The following DOCK1 variants were observed in gnomAD, a reference collection of about 807,000 sequenced individuals.
DOCK1 encodes dedicator of cytokinesis protein 1.
Under a neutral mutation model 262.7 loss-of-function variants are expected in DOCK1, and 138 were observed. The ratio of observed to expected loss-of-function variants is 0.53; its 90% CI spans 0.46 to 0.61. DOCK1 has a LOEUF of 0.61. Among genes scored for constraint, DOCK1 ranks in the 20% least tolerant of loss-of-function variants. The probability of loss-of-function intolerance (pLI) is 0.00; values close to 1 mark genes in which losing one functional copy is unlikely to be tolerated. For synonymous variants in DOCK1, 866 were observed against 867.4 expected, an observed-to-expected ratio of 1.00 and a Z score of 0.03; for missense variants, 1,908 against 2,370.7, an observed-to-expected ratio of 0.80 and a Z score of 4.05.
chr10:127,209,280 T>C (rs908137162), intron 27 of DOCK1, among the ~76,000 whole-genome samples: 1 of 152,232 alleles, frequency 6.6e-6, no homozygotes, highest in Non-Finnish European at 1.5e-5. Flanking sequence ...AGTTTAAGAA[T>C]GAAAATGCAA....
At chr10:127,212,686 A>T in intron 27 of DOCK1, among the ~76,000 whole-genome samples, 1 of 149,920 alleles carries the variant, frequency 6.7e-6, no homozygotes, top group Non-Finnish European at 1.5e-5. Context: ...TGAAGGATGA[A>T]TTTTCTAAAT....
At chr10:127,432,147 T>C (rs1041384472) in intron 47 of DOCK1, among the ~76,000 whole-genome samples, 1 of 152,218 alleles carries the variant, frequency 6.6e-6, no homozygotes, top group African/African-American at 2.4e-5. Flanking sequence ...TACCGGTTCC[T>C]GGTGCCAAAA....
At chr10:127,383,522 C>T (rs539879253) in intron 37 of DOCK1, among the ~76,000 whole-genome samples, 11 of 152,302 alleles carry the variant, frequency 7.2e-5, no homozygotes, top group East Asian at 5.8e-4. Context: ...TCTTGCAGAC[C>T]GCTTAAAGGC....
chr10:127,375,559 G>C (rs987075085), intron 35 of DOCK1, among the ~76,000 whole-genome samples: 1 of 152,172 alleles, frequency 6.6e-6, no homozygotes, highest in Non-Finnish European at 1.5e-5. Flanking sequence ...TCTTTAAAAA[G>C]CCAGAGTTGT....
chr10:127,017,020 A>G (rs1325113922), intron 12 of DOCK1, among the ~76,000 whole-genome samples: 1 of 60,180 alleles, frequency 1.7e-5, no homozygotes, highest in African/African-American at 7.6e-5. Context: ...AAACACAGAT[A>G]TGCAGATACA....
intron 23 of DOCK1, among the ~76,000 whole-genome samples, chr10:127,101,186 G>C (rs2048222592): frequency 6.6e-6 from 1 of 151,962 alleles, no homozygotes; most frequent in South Asian, 2.1e-4. Flanking sequence ...TTCCTTTCTT[G>C]TGGTGGCTTT....
intron 35 of DOCK1, among the ~76,000 whole-genome samples, chr10:127,374,537 G>C (rs75482471): frequency 6.6e-6 from 1 of 152,252 alleles, no homozygotes; most frequent in East Asian, 1.9e-4. Flanking sequence ...CCATAAACGC[G>C]TGCTATGTAG....
chr10:127,088,176 CTG>C (rs2047310323), intron 23 of DOCK1, among the ~76,000 whole-genome samples: 1 of 152,180 alleles, frequency 6.6e-6, no homozygotes, highest in Admixed American at 6.5e-5. Flanking sequence ...TTTGGGCACA[CTG>C]TGAAATCATC....
intron 29 of DOCK1, among the ~76,000 whole-genome samples, chr10:127,273,804 C>A (rs1398223383): frequency 6.6e-6 from 1 of 151,814 alleles, no homozygotes; most frequent in Non-Finnish European, 1.5e-5. Context: ...ATTGCTTCAA[C>A]CTGGGTCGCA....
intron 44 of DOCK1, among the ~76,000 whole-genome samples, chr10:127,417,867 C>T (rs567744657): frequency 4.6e-5 from 7 of 152,280 alleles, no homozygotes; most frequent in South Asian, 4.1e-4. Context: ...GGAGCCACCA[C>T]GCCTGCCCAT....
intron 27 of DOCK1, among the ~76,000 whole-genome samples, chr10:127,162,837 G>A (rs1278166626): frequency 6.6e-6 from 1 of 152,164 alleles, no homozygotes; most frequent in Non-Finnish European, 1.5e-5. Flanking sequence ...CTGTGCTGGG[G>A]AACAGTTGCT....
intron 23 of DOCK1, among the ~76,000 whole-genome samples, chr10:127,099,979 G>A (rs949177745): frequency 6.6e-6 from 1 of 152,102 alleles, no homozygotes; most frequent in Admixed American, 6.5e-5. Context: ...AGAGGGGCCT[G>A]GCCCACCTGG....
intron 1 of DOCK1, among the ~76,000 whole-genome samples, chr10:126,919,180 C>G (rs747601867): frequency 1.6e-4 from 25 of 152,200 alleles, no homozygotes; most frequent in African/African-American, 2.9e-4. Flanking sequence ...TAGAGACCTT[C>G]CTAAACGCAG....
intron 44 of DOCK1, 77 bp from the exon 45 acceptor site, chr10:127,418,288 C>T: frequency 7.1e-7 from 1 of 1,412,048 alleles, no homozygotes; most frequent in South Asian, 1.5e-5. Context: ...TGCCCCAGAG[C>T]ACGTGGCTCC....
intron 22 of DOCK1, among the ~76,000 whole-genome samples, chr10:127,056,384 C>T (rs78234991): frequency 0.069 from 10,514 of 152,112 alleles, 456 homozygotes; most frequent in East Asian, 0.13. Context: ...TTTTGTAGGA[C>T]ATGGTCTCGC....
intron 23 of DOCK1, among the ~76,000 whole-genome samples, chr10:127,099,975 G>C (rs557574944): frequency 6.6e-6 from 1 of 152,270 alleles, no homozygotes; most frequent in Non-Finnish European, 1.5e-5. Context: ...TGGCAGAGGG[G>C]CCTGGCCCAC....
intron 27 of DOCK1, among the ~76,000 whole-genome samples, chr10:127,177,723 T>C (rs1175986878): frequency 1.3e-5 from 2 of 152,226 alleles, no homozygotes; most frequent in African/African-American, 2.4e-5. Context: ...GCAGCACTCA[T>C]TGGAAAATGC....
intron 27 of DOCK1, among the ~76,000 whole-genome samples, chr10:127,213,523 G>C (rs7915700): frequency 1.3e-5 from 2 of 152,150 alleles, no homozygotes; most frequent in Non-Finnish European, 2.9e-5. Flanking sequence ...GATTGATCAC[G>C]TGAGATTGGG....
At chr10:127,163,346 C>T (rs538608738) in intron 27 of DOCK1, among the ~76,000 whole-genome samples, 34 of 152,134 alleles carry the variant, frequency 2.2e-4, no homozygotes, top group African/African-American at 7.2e-4. Flanking sequence ...CCACATTTAT[C>T]GCCATGGAGT....
Sources: allele counts gnomAD v4.1 joint callset (sites outside exome capture counted in the v4.1 genomes callset), GRCh38; gene constraint gnomAD v4.1.1; transcripts MANE v1.5; gene names NCBI Gene and HGNC (gene_info 2026-07-23, HGNC 2026-07-21).